Variants in RTF1 observed in about 807,000 individuals in gnomAD.
RTF1 encodes RNA polymerase-associated protein RTF1 homolog.
A neutral mutation model predicts 95.7 loss-of-function variants in RTF1; 10 were observed. The ratio of observed to expected loss-of-function variants is 0.10; its 90% CI spans 0.06 to 0.18. RTF1 has a LOEUF of 0.18. RTF1 is among the 10% of genes least tolerant of loss of function. The pLI, the probability that RTF1 is intolerant of heterozygous loss-of-function variation, is 1.00. For synonymous variants in RTF1, 305 were observed against 311.8 expected, an observed-to-expected ratio of 0.98 and a Z score of 0.23; for missense variants, 458 against 875.6, an observed-to-expected ratio of 0.52 and a Z score of 6.02.
chr15:41,444,925 AT>A (rs2050753350), intron 2 of RTF1, among the ~76,000 whole-genome samples: 2 of 151,364 alleles, frequency 1.3e-5, no homozygotes, highest in Admixed American at 1.3e-4. Flanking sequence ...TTTTTATTTT[AT>A]TTTATTTATT....
At chr15:41,429,570 A>G (rs1183263496) in intron 1 of RTF1, among the ~76,000 whole-genome samples, 1 of 151,842 alleles carries the variant, frequency 6.6e-6, no homozygotes, top group African/African-American at 2.4e-5. Context: ...ACCCTGTTTT[A>G]TAAAGCTCAG....
intron 2 of RTF1, among the ~76,000 whole-genome samples, chr15:41,441,133 G>A (rs574962608): frequency 2.6e-4 from 39 of 151,030 alleles, no homozygotes; most frequent in African/African-American, 8.7e-4. Flanking sequence ...CACCACTCCT[G>A]GCTAATTTTT....
At chr15:41,452,868 A>G (rs962764346) in intron 2 of RTF1, 33 bp from the exon 3 acceptor site, 6 of 1,497,262 alleles carry the variant, frequency 4.0e-6, no homozygotes, top group African/African-American at 1.4e-5. Context: ...CCCTATTCCT[A>G]TTTCAGTCTT....
In RTF1 at chr15:41,478,102, A is replaced by T. The variant is rs559220952; in HGVS notation, c.1741-446A>T. Among the ~76,000 whole-genome samples, 19 of 150,394 alleles carry T rather than the reference A, an allele frequency of 1.3e-4. No individual in the cohort carries two copies. The South Asian group carries it at 4.0e-3, about 32-fold the overall frequency. On this transcript the variant is annotated intron_variant, in intron 14 of 17. Transcript: ENST00000389629. ...TGGGCAAGAGAGCGAGAATCCATTT[A>T]AAAAATAAAAAAAATTAGCCGGGCA... is the stretch of plus-strand genomic sequence containing the variant.
chr15:41,472,795 A>G (rs1268037791), intron 8 of RTF1, among the ~76,000 whole-genome samples: 1 of 149,568 alleles, frequency 6.7e-6, no homozygotes, highest in African/African-American at 2.5e-5. Flanking sequence ...TCTGGCTCCC[A>G]GGTTCACGCC....
intron 6 of RTF1, among the ~76,000 whole-genome samples, chr15:41,470,045 T>C (rs946110008): frequency 1.2e-4 from 18 of 152,164 alleles, no homozygotes; most frequent in African/African-American, 3.9e-4. Context: ...CTTCCAGCCC[T>C]TTTTTCATCT....
intron 4 of RTF1, among the ~76,000 whole-genome samples, chr15:41,462,667 C>T (rs1156493994): frequency 1.3e-5 from 2 of 152,160 alleles, no homozygotes; most frequent in East Asian, 1.9e-4. Context: ...TTTTGTCACT[C>T]CTGTATTTCC....
intron 1 of RTF1, among the ~76,000 whole-genome samples, chr15:41,431,511 G>A (rs920195491): frequency 6.6e-6 from 1 of 151,900 alleles, no homozygotes; most frequent in Non-Finnish European, 1.5e-5. Context: ...CACCGCGCCC[G>A]ACTGGGTTTT....
intron 1 of RTF1, among the ~76,000 whole-genome samples, chr15:41,430,006 C>CTTTTTTTTTTTTTTTT (rs1410593149): frequency 7.0e-6 from 1 of 143,028 alleles, no homozygotes; most frequent in Non-Finnish European, 1.5e-5. Flanking sequence ...TTTATTTTTT[C>CTTTTTTTTTTTTTTTT]TTTTCTTTTT....
At chr15:41,462,731 T>G (rs2050857334) in intron 4 of RTF1, among the ~76,000 whole-genome samples, 2 of 152,102 alleles carry the variant, frequency 1.3e-5, no homozygotes, top group Admixed American at 6.6e-5. Flanking sequence ...TCTCTCTAGA[T>G]TTGCCTATTC....
intron 1 of RTF1, among the ~76,000 whole-genome samples, chr15:41,428,508 T>A (rs751371695): frequency 2.6e-4 from 40 of 151,350 alleles, no homozygotes; most frequent in Non-Finnish European, 5.2e-4. Flanking sequence ...GACCTTGTGA[T>A]CCGCCCACCT....
chr15:41,446,257 G>T (rs560580078), intron 2 of RTF1, among the ~76,000 whole-genome samples: 1 of 152,056 alleles, frequency 6.6e-6, no homozygotes, highest in African/African-American at 2.4e-5. Context: ...CCCCACAGAT[G>T]AGAGAACAGA....
intron 1 of RTF1, among the ~76,000 whole-genome samples, chr15:41,424,443 G>A (rs558471899): frequency 3.9e-5 from 6 of 152,264 alleles, no homozygotes; most frequent in African/African-American, 1.4e-4. Flanking sequence ...ACTGAAAGAA[G>A]CACAGAGTGA....
intron 2 of RTF1, among the ~76,000 whole-genome samples, chr15:41,441,201 G>A (rs2050733967): frequency 6.6e-6 from 1 of 151,668 alleles, no homozygotes; most frequent in Admixed American, 6.6e-5. Flanking sequence ...TCTATCTCCT[G>A]ACCTTGTGAT....
intron 2 of RTF1, among the ~76,000 whole-genome samples, chr15:41,451,658 C>A (rs2050790119): frequency 6.6e-6 from 1 of 152,174 alleles, no homozygotes; most frequent in South Asian, 2.1e-4. Context: ...GGAGTTAGTG[C>A]CAGTGCTGCC....
At chr15:41,477,132 C>T in intron 12 of RTF1, 33 bp from the exon 13 acceptor site, 2 of 1,613,986 alleles carry the variant, frequency 1.2e-6, no homozygotes, top group Non-Finnish European at 1.7e-6. Context: ...TGTATGTAGC[C>T]AAGAACGAAC....
intron 2 of RTF1, 137 bp from the exon 3 acceptor site, chr15:41,452,764 T>A (rs2050795229): frequency 1.4e-6 from 1 of 696,624 alleles, no homozygotes; most frequent in South Asian, 3.3e-5. Flanking sequence ...CAAAAATCTG[T>A]ATTTTTTTTC....
intron 7 of RTF1, among the ~76,000 whole-genome samples, 156 bp from the exon 8 acceptor site, chr15:41,471,016 G>C (rs1329382334): frequency 6.6e-6 from 1 of 152,152 alleles, no homozygotes; most frequent in Non-Finnish European, 1.5e-5. Context: ...GTCAGGAACA[G>C]GATCCTATTA....
At chr15:41,439,990 T>G (rs968048062) in intron 2 of RTF1, among the ~76,000 whole-genome samples, 33 of 152,274 alleles carry the variant, frequency 2.2e-4, no homozygotes, top group African/African-American at 7.9e-4. Context: ...CCTTAGTAAT[T>G]ACTTGCAGAG....
Sources: gnomAD v4.1 joint callset for allele counts (sites outside exome capture counted in the v4.1 genomes callset) on GRCh38, gnomAD v4.1.1 for gene constraint, MANE v1.5 for transcripts, NCBI Gene and HGNC (gene_info 2026-07-23, HGNC 2026-07-21) for gene names.